OR8K3: variants seen among roughly 807,000 people sequenced by gnomAD.
OR8K3 encodes the protein olfactory receptor 8K3.
For missense variants in OR8K3, 448 were observed against 367.4 expected, an observed-to-expected ratio of 1.22 and a Z score of -1.79; for synonymous variants, 167 against 138.8, an observed-to-expected ratio of 1.20 and a Z score of -1.43.
At position 56,318,331 on chromosome 11, in the gene OR8K3, G is replaced by A. The variant is rs753038311; in HGVS notation, c.25G>A (p.Val9Met). Residue 9 changes from valine (V) to methionine (M), a missense_variant, in exon 3 of 3, where the codon GTG becomes ATG. Coordinates refer to ENST00000641662, the MANE Select transcript of OR8K3 (RefSeq NM_001005202.2). MEQHNLTT[V>M]NEFILTGITD... ...GATGGAACAACACAATCTAACAACGGTGAATGAATTCATTCTTACGGGAAT... is the reference window on the plus strand; with the variant it reads ...GATGGAACAACACAATCTAACAACGATGAATGAATTCATTCTTACGGGAAT... 1 of 1,613,388 alleles carries A rather than the reference G, an allele frequency of 6.2e-7. No homozygotes were observed. The highest frequency in any genetic ancestry group is 8.5e-7 in the Non-Finnish European group (1 of 1,179,430).
intron 1 of OR8K3, among the ~76,000 whole-genome samples, 171 bp from the exon 2 acceptor site, chr11:56,315,829 T>C (rs1168466395): frequency 1.3e-5 from 2 of 151,974 alleles, no homozygotes; most frequent in Non-Finnish European, 2.9e-5. Context: ...TAGGAGACTG[T>C]TAAGTACCCA....
In OR8K3 at chr11:56,318,641, T is replaced by A; in HGVS notation, c.335T>A (p.Leu112His). The change falls in exon 3 of 3, where the codon CTT (leucine) becomes CAT (histidine). Residue 112 changes from leucine (L) to histidine (H), a missense_variant. Coordinates refer to ENST00000641662, the MANE Select transcript of OR8K3 (RefSeq NM_001005202.2). ...TTTCTTGTGTTCATTGGTAGTGAAC[T>A]TTTTATTCTCTCAGCCATGTCCTAC... Reference protein sequence around the residue: ...AFFLVFIGSELFILSAMSYDL... With the variant: ...AFFLVFIGSEHFILSAMSYDL... The A allele has an allele frequency of 6.2e-7, 1 of 1,613,776 alleles. No homozygotes were observed. Among genetic ancestry groups the A allele is most frequent in the South Asian group, 1.1e-5 (1 of 91,040 alleles).
In OR8K3 at chr11:56,318,473, A is replaced by C; in HGVS notation, c.167A>C (p.Gln56Pro). The C allele has an allele frequency of 1.2e-6, 2 of 1,614,158 alleles. No individual in the cohort carries two copies. Among genetic ancestry groups the C allele is most frequent in the African/African-American group, 2.7e-5 (2 of 75,048 alleles). ...CTCACCAAGTTGGACTCCAGGTTGC[A>C]AACCCCTATGTACTTTTTTCTCAGA... ...IVLTKLDSRL[Q>P]TPMYFFLRHL... The change falls in exon 3 of 3, where the codon CAA (glutamine) becomes CCA (proline). Residue 56 changes from glutamine to proline, a missense_variant. Physicochemically the swap from Gln to Pro is moderately conservative, Grantham distance 76 (BLOSUM62 -1). Transcript: ENST00000641662.
rs953281962 is a variant in OR8K3, at chr11:56,320,242, AT to A, written c.*999del. 6.6e-6 allele frequency: 1 copy of A among 152,114 alleles called. No homozygotes were observed. Among genetic ancestry groups the A allele is most frequent in the African/African-American group, 2.4e-5 (1 of 41,422 alleles). 9.4% of individuals were successfully genotyped at this position (152,114 alleles called of 1,614,324 possible). ...ATATTTTCATTTACTTCACTGTTTG[AT>A]TGCATCAGTTGATTTTTCTACTTGT... is the stretch of plus-strand genomic sequence containing the variant. On this transcript the variant is annotated 3_prime_UTR_variant, in exon 3 of 3. Coordinates refer to ENST00000641662, the MANE Select transcript of OR8K3 (RefSeq NM_001005202.2).
chr11:56,316,316 C>T (rs1465221551), intron 2 of OR8K3, among the ~76,000 whole-genome samples: 3 of 151,832 alleles, frequency 2.0e-5, no homozygotes, highest in South Asian at 2.1e-4. Flanking sequence ...TTTAATGTAA[C>T]ACAATTGCTT....
intron 2 of OR8K3, among the ~76,000 whole-genome samples, chr11:56,317,699 A>G (rs954527134): frequency 1.3e-5 from 2 of 152,120 alleles, no homozygotes; most frequent in Admixed American, 6.6e-5. Context: ...AGCTCTAAAA[A>G]CATAGTACAA....
Position 56,316,020 on chromosome 11 carries a change from G to T in OR8K3, c.-61G>T, listed in dbSNP as rs1223227233. ...CACAGAACTCCAAAGATGGTGAAAG[G>T]AACCTCATTTATATTTCCTTACCTA... is the stretch of plus-strand genomic sequence containing the variant. On this transcript the variant is annotated 5_prime_UTR_variant, in exon 2 of 3. Transcript: ENST00000641662. 1 of 151,860 alleles carries T rather than the reference G, an allele frequency of 6.6e-6. No homozygotes were observed. Among genetic ancestry groups the T allele is most frequent in the Non-Finnish European group, 1.5e-5 (1 of 67,886 alleles). The allele number at this position is 151,860 out of a possible 1,614,324, so 9.4% of individuals were successfully genotyped here.
chr11:56,318,116 C>T (rs1854468757), intron 2 of OR8K3, among the ~76,000 whole-genome samples, 168 bp from the exon 3 acceptor site: 1 of 152,022 alleles, frequency 6.6e-6, no homozygotes, highest in Non-Finnish European at 1.5e-5. Context: ...TGCTGATCTG[C>T]CTTATCTCTT....
chr11:56,317,328 T>C (rs1012426203), intron 2 of OR8K3, among the ~76,000 whole-genome samples: 3 of 152,164 alleles, frequency 2.0e-5, no homozygotes, highest in Non-Finnish European at 1.5e-5. Context: ...AATGACATGT[T>C]GGTTCTGGAT....
In OR8K3 at chr11:56,318,393, A is replaced by C. The variant is rs1261675776; in HGVS notation, c.87A>C (p.Ala29=). The change falls in exon 3 of 3, where the codon GCA becomes GCC. Residue 29 remains alanine, a synonymous_variant. Transcript: ENST00000641662. ...DIAELQAPLF[A]LFLMIYVISV... is the part of the protein sequence containing the mutation. ...CTGAGCTGCAGGCACCATTATTTGCATTGTTCCTCATGATCTATGTGATCT... is the reference window on the plus strand; with the variant it reads ...CTGAGCTGCAGGCACCATTATTTGCCTTGTTCCTCATGATCTATGTGATCT... The C allele has an allele frequency of 6.2e-7, 1 of 1,613,780 alleles. No homozygotes were observed. The highest frequency in any genetic ancestry group is 2.2e-5 in the East Asian group (1 of 44,858).
intron 1 of OR8K3, 62 bp downstream of exon 1, chr11:56,315,229 C>T (rs1488804531): frequency 1.3e-5 from 2 of 151,678 alleles, no homozygotes; most frequent in Non-Finnish European, 2.9e-5. Flanking sequence ...ATCTATAATG[C>T]TTCAGTGACA....
In OR8K3 at chr11:56,318,556, A is replaced by T; in HGVS notation, c.250A>T (p.Asn84Tyr). 1 of 1,612,920 alleles carries T rather than the reference A, an allele frequency of 6.2e-7. No homozygotes were observed. ...STTVGPKMLV[N>Y]FVVDKNIISY... ...AACTGTGGGACCCAAAATGTTAGTAAATTTTGTTGTGGATAAGAATATAAT... is the reference window on the plus strand; with the variant it reads ...AACTGTGGGACCCAAAATGTTAGTATATTTTGTTGTGGATAAGAATATAAT... Residue 84 changes from asparagine to tyrosine, a missense_variant, in exon 3 of 3, where the codon AAT becomes TAT. Asn to Tyr is a moderately radical substitution (Grantham distance 143). Transcript: ENST00000641662.
At chr11:56,317,668 T>A (rs7112701) in intron 2 of OR8K3, among the ~76,000 whole-genome samples, 8,974 of 152,206 alleles carry the variant, frequency 0.059, 354 homozygotes, top group Non-Finnish European at 0.083. Flanking sequence ...ATGTCACAAT[T>A]TTAATCTATA....
rs1356314913 is a variant in OR8K3 at position 56,319,460 on chromosome 11, T to C, written c.*215T>C. The C allele has an allele frequency of 5.6e-5, 30 of 534,106 alleles. 1 individual carries two copies. The highest frequency in any genetic ancestry group is 8.6e-5 in the Non-Finnish European group (26 of 300,784). The allele number at this position is 534,106 out of a possible 1,614,324, so 33.1% of individuals were successfully genotyped here. The stretch of plus-strand genomic sequence containing the variant: ...ATAGATGAATTGTATTCACAATAAG[T>C]CCATTTTATATAACAGTAGAATGTG... On this transcript the variant is annotated 3_prime_UTR_variant, in exon 3 of 3. Transcript: ENST00000641662.
Position 56,318,976 on chromosome 11 carries a change from G to T in OR8K3, c.670G>T (p.Ala224Ser). The change falls in exon 3 of 3, where the codon GCC (alanine) becomes TCC (serine). Residue 224 changes from alanine (A) to serine (S), a missense_variant. Transcript: ENST00000641662. ...VLLSYLLILV[A>S]ILRMNSAGRQ... ...TTTATCTTACCTGCTCATCCTTGTA[G>T]CCATTCTCAGGATGAATTCTGCTGG... 1 of 1,614,070 alleles carries T rather than the reference G, an allele frequency of 6.2e-7. No homozygotes were observed. The highest frequency in any genetic ancestry group is 1.1e-5 in the South Asian group (1 of 91,082).
chr11:56,319,452 A>C lies in OR8K3; in HGVS notation c.*207A>C, dbSNP rs1228087159. 1.8e-6 allele frequency: 1 copy of C among 547,948 alleles called. No homozygotes were observed. 33.9% of individuals were successfully genotyped at this position (547,948 alleles called of 1,614,324 possible). A position where few individuals can be genotyped will look rare whatever the true frequency, so the allele number is the denominator to read the frequency against. On this transcript the variant is annotated 3_prime_UTR_variant, in exon 3 of 3. Transcript: ENST00000641662. ...CTTGATGGATAGATGAATTGTATTC[A>C]CAATAAGTCCATTTTATATAACAGT...
chr11:56,315,794 A>G (rs12798790), intron 1 of OR8K3, among the ~76,000 whole-genome samples: 24,929 of 150,918 alleles, frequency 0.17, 2,425 homozygotes, highest in Non-Finnish European at 0.22. Context: ...AAAAAAAAAC[A>G]TTTTAAAATA....
At position 56,318,465 on chromosome 11, in the gene OR8K3, C is replaced by T. The variant is rs894979304; in HGVS notation, c.159C>T (p.Ser53=). ...TGATTGTCCTCACCAAGTTGGACTC[C>T]AGGTTGCAAACCCCTATGTACTTTT... The part of the protein sequence containing the change: ...LGMIVLTKLD[S]RLQTPMYFFL... The change falls in exon 3 of 3, where the codon TCC becomes TCT. Residue 53 remains serine (S), a synonymous_variant. Transcript: ENST00000641662. 8.1e-6 allele frequency: 13 copies of T among 1,614,002 alleles called. No homozygotes were observed. Among genetic ancestry groups the T allele is most frequent in the Non-Finnish European group, 1.0e-5 (12 of 1,180,000 alleles).
Position 56,318,378 on chromosome 11 carries a change from G to A in OR8K3, c.72G>A (p.Gln24=). The change falls in exon 3 of 3, where the codon CAG becomes CAA. Residue 24 remains glutamine, a synonymous_variant. Transcript: ENST00000641662. Reference sequence around the variant, plus strand: ...GAATCACAGATATCGCTGAGCTGCAGGCACCATTATTTGCATTGTTCCTCA... The same window carrying A: ...GAATCACAGATATCGCTGAGCTGCAAGCACCATTATTTGCATTGTTCCTCA... The part of the protein sequence containing the change: ...LTGITDIAEL[Q]APLFALFLMI... 6.2e-7 allele frequency: 1 copy of A among 1,613,806 alleles called. No homozygotes were observed. Among genetic ancestry groups the A allele is most frequent in the Non-Finnish European group, 8.5e-7 (1 of 1,179,740 alleles).
Sources: allele counts gnomAD v4.1 joint callset (sites outside exome capture counted in the v4.1 genomes callset), GRCh38; gene constraint gnomAD v4.1.1; transcripts MANE v1.5; gene names NCBI Gene and HGNC (gene_info 2026-07-23, HGNC 2026-07-21).